The following ACSL4 variants were observed in gnomAD, a reference collection of about 807,000 sequenced individuals.
ACSL4 encodes acyl-CoA synthetase long chain family member 4.
Under a neutral mutation model 49.1 loss-of-function variants are expected in ACSL4, and 9 were observed. The ratio of observed to expected loss-of-function variants is 0.18; its 90% CI spans 0.11 to 0.32. The LOEUF is 0.32. Among genes scored for constraint, ACSL4 ranks in the 10% least tolerant of loss-of-function variants. The pLI, the probability that ACSL4 is intolerant of heterozygous loss-of-function variation, is 1.00. For synonymous variants in ACSL4, 191 were observed against 170.3 expected, an observed-to-expected ratio of 1.12 and a Z score of -0.95; for missense variants, 333 against 493.7, an observed-to-expected ratio of 0.67 and a Z score of 3.08.
At position 109,720,492 on chromosome X, in the gene ACSL4, T is replaced by A. The variant is rs1389431393; in HGVS notation, c.-66+12647A>T. ...AAAAACTAAAATCTTAGTAAAACAG[T>A]CCAAAATTTTCTGGGGGGAAATTTG... On this transcript the variant is annotated intron_variant, in intron 1 of 15. Transcript: ENST00000672401. 6.3e-5 allele frequency among the ~76,000 whole-genome samples: 7 copies of A among 111,761 alleles called. No homozygotes were observed. In the Admixed American group the frequency reaches 6.7e-4, roughly 11 times the overall value.
chrX:109,697,857 G>C (rs1925572978), intron 1 of ACSL4, among the ~76,000 whole-genome samples: 1 of 106,683 alleles, frequency 9.4e-6, no homozygotes, highest in African/African-American at 3.4e-5. Context: ...ACTTAAAAAT[G>C]ACCAAAAAAA....
chrX:109,702,011 A>T (rs2147496824), intron 1 of ACSL4, among the ~76,000 whole-genome samples: 1 of 104,386 alleles, frequency 9.6e-6, no homozygotes, highest in East Asian at 3.2e-4. Context: ...GGAGTTCGAG[A>T]CCAGCCTGGC....
At chrX:109,652,774 T>A (rs1921254957) in intron 15 of ACSL4, among the ~76,000 whole-genome samples, 1 of 111,408 alleles carries the variant, frequency 9.0e-6, no homozygotes, top group South Asian at 3.7e-4. Flanking sequence ...ATCAATAATA[T>A]TGTAACAAAA....
chrX:109,646,040 T>A (rs1934675518), intron 15 of ACSL4, among the ~76,000 whole-genome samples: 1 of 111,903 alleles, frequency 8.9e-6, no homozygotes, highest in Admixed American at 9.4e-5. Flanking sequence ...CAAATCTACA[T>A]CTGATTGGTG....
Position 109,678,274 on chromosome X carries a change from G to A in ACSL4, c.797C>T (p.Pro266Leu), listed in dbSNP as rs1313013070. ...AGMTGQCERI[P>L]GLGPKDTYIG... Reference sequence around the variant, plus strand: ...TAAAGAATTATCTTACCCCAGTCCAGGTATTCTTTCACACTGGCCTGTCAT... The same window carrying A: ...TAAAGAATTATCTTACCCCAGTCCAAGTATTCTTTCACACTGGCCTGTCAT... Residue 266 changes from proline to leucine, a missense_variant, in exon 7 of 16, where the codon CCT becomes CTT. By Grantham distance (98) the Pro-to-Leu change is moderately conservative (BLOSUM62 -3). Coordinates refer to ENST00000672401, the MANE Select transcript of ACSL4 (RefSeq NM_001318510.2). 2 of 1,211,653 alleles carry A rather than the reference G, an allele frequency of 1.7e-6. No individual in the cohort carries two copies. Among genetic ancestry groups the A allele is most frequent in the Non-Finnish European group, 2.2e-6 (2 of 895,408 alleles).
intron 1 of ACSL4, among the ~76,000 whole-genome samples, chrX:109,712,476 A>G (rs749100311): frequency 3.0e-4 from 34 of 112,160 alleles, no homozygotes; most frequent in African/African-American, 9.7e-4. Flanking sequence ...AAGCAGAGTA[A>G]GTGACAGTGT....
At chrX:109,678,513 T>C (rs1923915002) in intron 6 of ACSL4, 98 bp from the exon 7 acceptor site, 1 of 1,010,310 alleles carries the variant, frequency 9.9e-7, no homozygotes, top group African/African-American at 1.9e-5. Context: ...CGATAAGCTA[T>C]CAATAGACAG....
In ACSL4 at chrX:109,674,293, A is replaced by G. The variant is rs987893786; in HGVS notation, c.1002+109T>C. On this transcript the variant is annotated intron_variant, in intron 9 of 15. Transcript: ENST00000672401. ...GCTGTGATTTCAACAAGGTAAAATT[A>G]TTTTAAAATGTAGACATATCTAAGA... 96 of 667,748 alleles carry G rather than the reference A, an allele frequency of 1.4e-4. No homozygotes were observed. In the African/African-American group the frequency reaches 1.9e-3, roughly 13 times the overall value. The allele number at this position is 667,748 out of a possible 1,213,427, so 55.0% of individuals were successfully genotyped here.
intron 15 of ACSL4, among the ~76,000 whole-genome samples, chrX:109,658,281 C>T (rs1275680929): frequency 9.0e-6 from 1 of 111,231 alleles, no homozygotes; most frequent in African/African-American, 3.3e-5. Context: ...ATAAACATTT[C>T]CTGATTCCCT....
chrX:109,659,041 T>C (rs1921945706), intron 15 of ACSL4, among the ~76,000 whole-genome samples: 1 of 112,197 alleles, frequency 8.9e-6, no homozygotes, highest in Non-Finnish European at 1.9e-5. Flanking sequence ...AACTTAGAGT[T>C]ACTAATTTCT....
rs1333098267 is a variant in ACSL4 at position 109,642,361 on chromosome X, T to TA, written c.*1667dup. 5 of 111,801 alleles carry TA rather than the reference T, an allele frequency of 4.5e-5. No homozygotes were observed. Among genetic ancestry groups the TA allele is most frequent in the Non-Finnish European group, 9.4e-5 (5 of 53,071 alleles). 9.2% of individuals were successfully genotyped at this position (111,801 alleles called of 1,213,427 possible). A position where few individuals can be genotyped will look rare whatever the true frequency, so the allele number is the denominator to read the frequency against. ...GTTGGGAAGAATGAGAATACTCACA[T>TA]ACACATAACTTCAGGGAAAACTTGC... is the stretch of plus-strand genomic sequence containing the variant. On this transcript the variant is annotated 3_prime_UTR_variant, in exon 16 of 16. Transcript: ENST00000672401.
chrX:109,665,490 A>G lies in ACSL4; in HGVS notation c.1320T>C (p.Thr440=). ...SCGAGTVTEV[T]DYTTGRVGAP... ...CTCCAACTCTGCCAGTAGTATAGTC[A>G]GTTACTGTGAGGGAAAAAGTAACAG... Residue 440 remains threonine, a synonymous_variant, in exon 12 of 16, where the codon ACT becomes ACC. Coordinates refer to ENST00000672401, the MANE Select transcript of ACSL4 (RefSeq NM_001318510.2). The G allele has an allele frequency of 1.7e-6, 2 of 1,201,757 alleles. No homozygotes were observed. Among genetic ancestry groups the G allele is most frequent in the Non-Finnish European group, 2.3e-6 (2 of 886,541 alleles).
chrX:109,651,249 A>C (rs932463372), intron 15 of ACSL4, among the ~76,000 whole-genome samples: 12 of 111,995 alleles, frequency 1.1e-4, no homozygotes, highest in African/African-American at 3.9e-4. Context: ...TGATTATTTA[A>C]AACAGCAATT....
At chrX:109,730,165 G>T (rs1016293037) in intron 1 of ACSL4, among the ~76,000 whole-genome samples, 4 of 112,316 alleles carry the variant, frequency 3.6e-5, no homozygotes, top group African/African-American at 1.3e-4. Flanking sequence ...TTGTAGTTGT[G>T]ATGTTACACT....
intron 1 of ACSL4, among the ~76,000 whole-genome samples, chrX:109,707,331 A>G (rs1159426669): frequency 1.8e-5 from 2 of 112,516 alleles, no homozygotes; most frequent in African/African-American, 6.5e-5. Flanking sequence ...CAGTGCTGCC[A>G]AAAGTATACA....
At chrX:109,716,334 CCA>C (rs1569441850) in intron 1 of ACSL4, among the ~76,000 whole-genome samples, 1 of 112,170 alleles carries the variant, frequency 8.9e-6, no homozygotes, top group Non-Finnish European at 1.9e-5. Flanking sequence ...CTGGAATTAA[CCA>C]GTTATACCTG....
chrX:109,730,856 C>T (rs1007228704), intron 1 of ACSL4, among the ~76,000 whole-genome samples: 1 of 111,277 alleles, frequency 9.0e-6, no homozygotes, highest in Non-Finnish European at 1.9e-5. Flanking sequence ...TTAGTAGAGA[C>T]GGGGTTCCAC....
chrX:109,675,319 T>G, intron 8 of ACSL4, among the ~76,000 whole-genome samples: 1 of 112,573 alleles, frequency 8.9e-6, no homozygotes, highest in East Asian at 2.8e-4. Context: ...TCTTAGTAAT[T>G]TTATCAGTTA....
chrX:109,667,009 A>T (rs1421821729), intron 11 of ACSL4, among the ~76,000 whole-genome samples: 1 of 112,143 alleles, frequency 8.9e-6, no homozygotes, highest in East Asian at 2.8e-4. Context: ...CTAATGAAGG[A>T]ATGATCTGAT....
Sources: gnomAD v4.1 joint callset for allele counts (sites outside exome capture counted in the v4.1 genomes callset) on GRCh38, gnomAD v4.1.1 for gene constraint, MANE v1.5 for transcripts, NCBI Gene and HGNC (gene_info 2026-07-23, HGNC 2026-07-21) for gene names.